Variants in SUCLG2 observed in about 807,000 individuals in gnomAD.
SUCLG2 encodes succinate-CoA ligase GDP-forming subunit beta.
A neutral mutation model predicts 47.9 loss-of-function variants in SUCLG2; 42 were observed. That is an observed-to-expected ratio of 0.88 (90% CI 0.69 to 1.14). The LOEUF (loss-of-function observed/expected upper bound fraction) is 1.14, where lower values mean the gene tolerates loss of function less well. SUCLG2 is among the 50% of genes most tolerant of loss of function. The probability of loss-of-function intolerance (pLI) is 0.00; values close to 1 mark genes in which losing one functional copy is unlikely to be tolerated. For missense variants in SUCLG2, 571 were observed against 525.9 expected (o/e 1.09, Z -0.84); for synonymous variants, 195 against 197.3 (o/e 0.99, Z 0.10).
At chr3:67,521,003 T>C (rs979353605) in intron 4 of SUCLG2, among the ~76,000 whole-genome samples, 1 of 152,182 alleles carries the variant, frequency 6.6e-6, no homozygotes, top group African/African-American at 2.4e-5. Flanking sequence ...TACACTGACT[T>C]TTCTCAGATT....
intron 9 of SUCLG2, among the ~76,000 whole-genome samples, chr3:67,404,316 A>G (rs1438129793): frequency 1.3e-5 from 2 of 152,106 alleles, no homozygotes; most frequent in East Asian, 3.9e-4. Flanking sequence ...GAAATACAGA[A>G]CAACCATGAG....
chr3:67,436,933 CTTTTA>C (rs67073069), intron 9 of SUCLG2, among the ~76,000 whole-genome samples: 5,026 of 151,824 alleles, frequency 0.033, 104 homozygotes, highest in African/African-American at 0.056. Context: ...TTTTTCTTTT[CTTTTA>C]TTTATTGTTT....
intron 9 of SUCLG2, chr3:67,408,525 G>T: frequency 1.4e-6 from 1 of 718,152 alleles, no homozygotes; most frequent in Non-Finnish European, 1.7e-6. Flanking sequence ...CTTATGGAGA[G>T]ATCCTCTGGG....
chr3:67,568,839 A>G (rs903655590), intron 2 of SUCLG2, among the ~76,000 whole-genome samples: 3 of 152,204 alleles, frequency 2.0e-5, no homozygotes, highest in Non-Finnish European at 4.4e-5. Context: ...GTGAGCCGAG[A>G]TCGCGCCACT....
chr3:67,401,874 T>C (rs532929226), intron 9 of SUCLG2, among the ~76,000 whole-genome samples: 47 of 152,356 alleles, frequency 3.1e-4, no homozygotes, highest in Non-Finnish European at 6.2e-4. Flanking sequence ...ATATCTTACA[T>C]TTGTATAGCA....
intron 9 of SUCLG2, among the ~76,000 whole-genome samples, chr3:67,441,753 G>C (rs1703769212): frequency 3.9e-5 from 6 of 152,162 alleles, no homozygotes; most frequent in Admixed American, 3.9e-4. Context: ...CAACATACTT[G>C]CTGTTAGGAA....
At chr3:67,635,380 G>C (rs986621736) in intron 1 of SUCLG2, among the ~76,000 whole-genome samples, 7 of 152,188 alleles carry the variant, frequency 4.6e-5, no homozygotes, top group African/African-American at 1.7e-4. Context: ...TGGGAAAAGA[G>C]AATATTTACA....
rs75287640 is a variant in SUCLG2 at position 67,510,124 on chromosome 3, T to C, written c.661-1221A>G. The stretch of plus-strand genomic sequence containing the variant: ...CTGCCTCATTTTTGTTCCTGGAGCA[T>C]GTGGTTGGATATGCTTTAGGTTGCC... On this transcript the variant is annotated intron_variant, in intron 6 of 10. Coordinates refer to ENST00000307227, the MANE Select transcript of SUCLG2 (RefSeq NM_003848.4). Among the ~76,000 whole-genome samples the C allele has an allele frequency of 5.8e-3, 878 of 152,332 alleles. 11 individuals are homozygous for C. The highest frequency in any genetic ancestry group is 0.02 in the African/African-American group (830 of 41,580).
In SUCLG2 at chr3:67,375,003, T is replaced by A. The variant is rs1384322217; in HGVS notation, c.*741A>T. On this transcript the variant is annotated 3_prime_UTR_variant, in exon 11 of 11. Coordinates refer to ENST00000307227, the MANE Select transcript of SUCLG2 (RefSeq NM_003848.4). ...TTAATAACAGAGATTTCCATAAGAATCAGGATTCATTTTTGACACAAAAAT... is the reference window on the plus strand; with the variant it reads ...TTAATAACAGAGATTTCCATAAGAAACAGGATTCATTTTTGACACAAAAAT... 2.0e-6 allele frequency: 2 copies of A among 985,680 alleles called. No homozygotes were observed. Among genetic ancestry groups the A allele is most frequent in the South Asian group, 4.7e-5 (1 of 21,290 alleles). 61.1% of individuals were successfully genotyped at this position (985,680 alleles called of 1,614,324 possible).
At chr3:67,503,232 G>A (rs897903776) in intron 7 of SUCLG2, among the ~76,000 whole-genome samples, 1 of 152,152 alleles carries the variant, frequency 6.6e-6, no homozygotes, top group Admixed American at 6.5e-5. Context: ...GTATCCACTT[G>A]TGTGAACCAA....
chr3:67,422,168 G>A (rs1703175036), intron 9 of SUCLG2, among the ~76,000 whole-genome samples: 1 of 151,830 alleles, frequency 6.6e-6, no homozygotes, highest in Non-Finnish European at 1.5e-5. Flanking sequence ...AGTATGACAG[G>A]GAAGTTTAAA....
intron 9 of SUCLG2, among the ~76,000 whole-genome samples, chr3:67,493,733 G>C (rs1041654765): frequency 6.6e-6 from 1 of 152,108 alleles, no homozygotes; most frequent in Admixed American, 6.6e-5. Context: ...AGCTTAAGGA[G>C]CTGTGTGTCT....
intron 9 of SUCLG2, among the ~76,000 whole-genome samples, chr3:67,416,187 T>C (rs1261174844): frequency 2.6e-5 from 4 of 152,204 alleles, no homozygotes; most frequent in African/African-American, 9.6e-5. Flanking sequence ...AGATGTCACT[T>C]ATCAATAAAC....
At chr3:67,654,341 T>C (rs1308890804) in intron 1 of SUCLG2, among the ~76,000 whole-genome samples, 162 bp downstream of exon 1, 2 of 152,000 alleles carry the variant, frequency 1.3e-5, no homozygotes, top group Non-Finnish European at 2.9e-5. Flanking sequence ...TGGAGCGGGG[T>C]TCCCTGCTGC....
At chr3:67,456,911 C>G (rs1197042581) in intron 9 of SUCLG2, among the ~76,000 whole-genome samples, 2 of 151,888 alleles carry the variant, frequency 1.3e-5, no homozygotes, top group Non-Finnish European at 2.9e-5. Context: ...TGGACATAAA[C>G]AACTCCAGGT....
At chr3:67,472,220 A>G (rs1170692027) in intron 9 of SUCLG2, among the ~76,000 whole-genome samples, 6 of 152,198 alleles carry the variant, frequency 3.9e-5, no homozygotes, top group Non-Finnish European at 7.3e-5. Context: ...TATTCTATAC[A>G]TGGAAAAGGT....
At chr3:67,390,530 A>G in intron 10 of SUCLG2, among the ~76,000 whole-genome samples, 1 of 152,228 alleles carries the variant, frequency 6.6e-6, no homozygotes, top group Non-Finnish European at 1.5e-5. Flanking sequence ...CAACTGAGAC[A>G]GAGGATTATT....
intron 10 of SUCLG2, among the ~76,000 whole-genome samples, chr3:67,385,524 A>G (rs1466785281): frequency 1.3e-5 from 2 of 152,174 alleles, no homozygotes; most frequent in African/African-American, 4.8e-5. Flanking sequence ...GAAAGTTGGC[A>G]TGGGTAGTCC....
chr3:67,574,659 A>T (rs1707697623), intron 2 of SUCLG2, among the ~76,000 whole-genome samples: 1 of 152,344 alleles, frequency 6.6e-6, no homozygotes, highest in African/African-American at 2.4e-5. Flanking sequence ...GTAAAAAAAA[A>T]TTTAGATACA....
Sources: allele counts gnomAD v4.1 joint callset (sites outside exome capture counted in the v4.1 genomes callset), GRCh38; gene constraint gnomAD v4.1.1; transcripts MANE v1.5; gene names NCBI Gene and HGNC (gene_info 2026-07-23, HGNC 2026-07-21).